PDE4B: variants seen among roughly 807,000 people sequenced by gnomAD.
The protein encoded by PDE4B is phosphodiesterase 4B, also known as 3',5'-cyclic-AMP phosphodiesterase 4B.
Under a neutral mutation model 82.2 loss-of-function variants are expected in PDE4B, and 20 were observed. That is an observed-to-expected ratio of 0.24 (90% CI 0.17 to 0.35). The LOEUF (loss-of-function observed/expected upper bound fraction) is 0.35, where lower values mean the gene tolerates loss of function less well. Ranked by LOEUF, PDE4B falls within the 10% of genes least tolerant of loss-of-function variation. The pLI, the probability that PDE4B is intolerant of heterozygous loss-of-function variation, is 1.00. For synonymous variants in PDE4B, 320 were observed against 318.9 expected (o/e 1.00, Z -0.04); for missense variants, 655 against 907.2 (o/e 0.72, Z 3.57).
At chr1:66,334,498 G>A (rs763825176) in intron 8 of PDE4B, among the ~76,000 whole-genome samples, 13 of 152,160 alleles carry the variant, frequency 8.5e-5, no homozygotes, top group South Asian at 2.1e-4. Flanking sequence ...TCAGGCTTCC[G>A]CTCCTCCTTT....
At chr1:66,354,695 G>T in intron 8 of PDE4B, 2 of 1,431,696 alleles carry the variant, frequency 1.4e-6, no homozygotes, top group Non-Finnish European at 1.8e-6. Flanking sequence ...CTTAGGAAAT[G>T]CCATACATTT....
At chr1:66,356,741 T>C (rs1318640685) in intron 9 of PDE4B, among the ~76,000 whole-genome samples, 8 of 152,224 alleles carry the variant, frequency 5.3e-5, no homozygotes, top group Admixed American at 5.2e-4. Context: ...AGCAGCCTCA[T>C]ACAGAGCTTA....
intron 1 of PDE4B, among the ~76,000 whole-genome samples, chr1:65,833,360 A>G (rs1646103560): frequency 6.6e-6 from 1 of 152,222 alleles, no homozygotes; most frequent in African/African-American, 2.4e-5. Context: ...TCCCCTCACC[A>G]GACTTTAAGG....
At chr1:65,833,861 T>C (rs1300505548) in intron 1 of PDE4B, among the ~76,000 whole-genome samples, 1 of 152,234 alleles carries the variant, frequency 6.6e-6, no homozygotes, top group Non-Finnish European at 1.5e-5. Context: ...AATTAAATTA[T>C]ATCAAAAACT....
intron 1 of PDE4B, among the ~76,000 whole-genome samples, chr1:65,885,361 G>A (rs897529476): frequency 1.3e-5 from 2 of 152,102 alleles, no homozygotes; most frequent in Non-Finnish European, 2.9e-5. Context: ...CCATTACTGG[G>A]TATATACCCA....
intron 1 of PDE4B, among the ~76,000 whole-genome samples, chr1:65,900,899 C>T (rs546024190): frequency 3.9e-5 from 6 of 152,106 alleles, no homozygotes; most frequent in East Asian, 1.9e-4. Flanking sequence ...ATATTGTCAG[C>T]GAAGATAGAC....
At chr1:66,101,652 A>G (rs1186255982) in intron 3 of PDE4B, among the ~76,000 whole-genome samples, 2 of 152,018 alleles carry the variant, frequency 1.3e-5, no homozygotes, top group African/African-American at 2.4e-5. Context: ...GTCTGTTCAT[A>G]TCCTTTGCCC....
intron 1 of PDE4B, among the ~76,000 whole-genome samples, chr1:65,816,002 G>A (rs1355045018): frequency 1.3e-5 from 2 of 152,000 alleles, no homozygotes; most frequent in Middle Eastern, 3.2e-3. Context: ...GCTTGGCTCG[G>A]CTCTTTCTCA....
chr1:66,300,418 C>T (rs1657802618), intron 7 of PDE4B, among the ~76,000 whole-genome samples: 1 of 152,094 alleles, frequency 6.6e-6, no homozygotes, highest in South Asian at 2.1e-4. Context: ...CACCTCCTTG[C>T]TCAGAGATCG....
chr1:65,983,117 T>G (rs1650773137), intron 3 of PDE4B, among the ~76,000 whole-genome samples: 1 of 152,212 alleles, frequency 6.6e-6, no homozygotes, highest in African/African-American at 2.4e-5. Flanking sequence ...TATGATCTCT[T>G]TCTTCCTTTT....
chr1:66,043,191 C>T lies in PDE4B; in HGVS notation c.281+124356C>T, dbSNP rs775937034. On this transcript the variant is annotated intron_variant, in intron 3 of 16. Transcript: ENST00000341517. ...TGAGCCTTTTAACAATAGCTACTTC[C>T]CTTAGAAGGAGGAAAGGAAATTACA... Among the ~76,000 whole-genome samples the T allele has an allele frequency of 4.6e-5, 7 of 151,664 alleles. No individual in the cohort carries two copies. The Admixed American group carries it at 4.6e-4, about 10-fold the overall frequency.
At chr1:66,018,684 C>T (rs1652916343) in intron 3 of PDE4B, among the ~76,000 whole-genome samples, 1 of 152,068 alleles carries the variant, frequency 6.6e-6, no homozygotes, top group Non-Finnish European at 1.5e-5. Flanking sequence ...GATTTGGAAA[C>T]AAGTAGCATT....
chr1:66,023,924 T>G (rs1279449066), intron 3 of PDE4B, among the ~76,000 whole-genome samples: 1 of 152,070 alleles, frequency 6.6e-6, no homozygotes, highest in African/African-American at 2.4e-5. Context: ...AGTGGAGAGT[T>G]GAACTCAGGA....
In PDE4B at chr1:66,193,312, T is replaced by A. The variant is rs115965519; in HGVS notation, c.282-54148T>A. Among the ~76,000 whole-genome samples, 1,379 of 152,298 alleles carry A rather than the reference T, an allele frequency of 9.1e-3. 20 individuals are homozygous for A. The highest frequency in any genetic ancestry group is 0.031 in the African/African-American group (1,289 of 41,544). Reference sequence around the variant, plus strand: ...TGTTCAGGGAGCCAAAATACTTGAATTCTAATCTCAACTTTGTATTTTACC... The same window carrying A: ...TGTTCAGGGAGCCAAAATACTTGAAATCTAATCTCAACTTTGTATTTTACC... On this transcript the variant is annotated intron_variant, in intron 3 of 16. Transcript: ENST00000341517.
intron 1 of PDE4B, among the ~76,000 whole-genome samples, chr1:65,868,530 T>C (rs1329617500): frequency 6.6e-6 from 1 of 152,194 alleles, no homozygotes; most frequent in Non-Finnish European, 1.5e-5. Context: ...CCATAGAGCA[T>C]TCACCTATTT....
At chr1:65,917,540 G>A (rs776174248) in intron 2 of PDE4B, among the ~76,000 whole-genome samples, 33 of 152,152 alleles carry the variant, frequency 2.2e-4, no homozygotes, top group Non-Finnish European at 3.8e-4. Context: ...TGGTATGAAT[G>A]GTACACCAGG....
intron 13 of PDE4B, among the ~76,000 whole-genome samples, chr1:66,366,879 A>T (rs192361729): frequency 6.6e-6 from 1 of 152,226 alleles, no homozygotes; most frequent in Non-Finnish European, 1.5e-5. Flanking sequence ...CTAAGAGCAC[A>T]CTGTTAAAGC....
intron 3 of PDE4B, among the ~76,000 whole-genome samples, chr1:66,096,285 TG>T (rs1209433540): frequency 1.3e-5 from 2 of 151,626 alleles, no homozygotes; most frequent in Non-Finnish European, 3.0e-5. Flanking sequence ...TTTCTGTTCC[TG>T]GGTTTTTTCA....
chr1:66,066,083 AC>A (rs1450826555), intron 3 of PDE4B, among the ~76,000 whole-genome samples: 1 of 151,558 alleles, frequency 6.6e-6, no homozygotes, highest in African/African-American at 2.4e-5. Context: ...CCTTCTAGTA[AC>A]AAAAATTATA....
Sources: gnomAD v4.1 joint callset for allele counts (sites outside exome capture counted in the v4.1 genomes callset) on GRCh38, gnomAD v4.1.1 for gene constraint, MANE v1.5 for transcripts, NCBI Gene and HGNC (gene_info 2026-07-23, HGNC 2026-07-21) for gene names.